ABRACL: variants seen among roughly 807,000 people sequenced by gnomAD.
The protein encoded by ABRACL is ABRA C-terminal like.
Under a neutral mutation model 7.0 loss-of-function variants are expected in ABRACL, and 4 were observed. That is an observed-to-expected ratio of 0.57 (90% CI 0.28 to 1.30). The LOEUF is 1.30. Ranked by LOEUF, ABRACL falls within the 50% of genes most tolerant of loss-of-function variation. The probability of loss-of-function intolerance (pLI) is 0.10; values close to 1 mark genes in which losing one functional copy is unlikely to be tolerated. For synonymous variants in ABRACL, 30 were observed against 36.0 expected, an observed-to-expected ratio of 0.83 and a Z score of 0.60; for missense variants, 104 against 97.3, an observed-to-expected ratio of 1.07 and a Z score of -0.29.
At chr6:139,029,631 TTAGGGGACC>T (rs1187795937) in intron 1 of ABRACL, among the ~76,000 whole-genome samples, 1 of 151,968 alleles carries the variant, frequency 6.6e-6, no homozygotes, top group East Asian at 1.9e-4. Flanking sequence ...GGGCACGGGG[TTAGGGGACC>T]TCTACCAGGC....
chr6:139,040,500 T>A (rs1260288279), intron 2 of ABRACL, among the ~76,000 whole-genome samples: 2 of 152,182 alleles, frequency 1.3e-5, no homozygotes, highest in Non-Finnish European at 1.5e-5. Context: ...AGAGGCTTTA[T>A]CTTTATTATG....
intron 2 of ABRACL, among the ~76,000 whole-genome samples, chr6:139,037,028 G>A (rs1009701898): frequency 1.1e-4 from 16 of 149,300 alleles, no homozygotes; most frequent in African/African-American, 2.7e-4. Flanking sequence ...GCAATTATCC[G>A]AAAAAAAAAA....
chr6:139,040,080 A>G (rs1786221581), intron 2 of ABRACL, among the ~76,000 whole-genome samples: 1 of 152,090 alleles, frequency 6.6e-6, no homozygotes, highest in Non-Finnish European at 1.5e-5. Context: ...CAACAGATCG[A>G]CACCCTGTCT....
intron 2 of ABRACL, among the ~76,000 whole-genome samples, chr6:139,036,142 T>C (rs1000440422): frequency 6.6e-6 from 1 of 151,406 alleles, no homozygotes; most frequent in Non-Finnish European, 1.5e-5. Context: ...AGTTTCACCA[T>C]GTTGGCCAGG....
Position 139,036,676 on chromosome 6 carries a change from T to C in ABRACL, c.61+2455T>C, listed in dbSNP as rs146774611. Among the ~76,000 whole-genome samples, 1,018 of 152,276 alleles carry C rather than the reference T, an allele frequency of 6.7e-3. 5 individuals carry two copies. The highest frequency in any genetic ancestry group is 8.0e-3 in the Non-Finnish European group (542 of 68,032). On this transcript the variant is annotated intron_variant, in intron 2 of 2. Coordinates refer to ENST00000367660, the MANE Select transcript of ABRACL (RefSeq NM_021243.3). ...TTTCCTCAGGGATTTTACTACTTAG[T>C]TGATGAAAACAGATAAAATCTCATA...
At chr6:139,039,005 C>T (rs1487553983) in intron 2 of ABRACL, among the ~76,000 whole-genome samples, 1 of 152,116 alleles carries the variant, frequency 6.6e-6, no homozygotes, top group Non-Finnish European at 1.5e-5. Flanking sequence ...AGGCAGATTG[C>T]CTGAGGTCAG....
chr6:139,041,751 C>T (rs972100621), intron 2 of ABRACL, among the ~76,000 whole-genome samples: 6 of 151,794 alleles, frequency 4.0e-5, no homozygotes, highest in Non-Finnish European at 8.8e-5. Flanking sequence ...TTCTTATTTC[C>T]TCATGGGAAT....
chr6:139,035,976 T>C (rs1786150199), intron 2 of ABRACL, among the ~76,000 whole-genome samples: 1 of 150,302 alleles, frequency 6.7e-6, no homozygotes. Flanking sequence ...TGCTGGCATG[T>C]GCCTGTAATC....
intron 2 of ABRACL, among the ~76,000 whole-genome samples, chr6:139,041,451 C>CTCTCTATATATATATA (rs140091253): frequency 9.1e-6 from 1 of 110,038 alleles, no homozygotes; most frequent in South Asian, 2.9e-4. Context: ...CTCTCTCTCT[C>CTCTCTATATATATATA]TATATATATA....
chr6:139,036,233 G>A (rs1217032416), intron 2 of ABRACL, among the ~76,000 whole-genome samples: 1 of 152,046 alleles, frequency 6.6e-6, no homozygotes, highest in African/African-American at 2.4e-5. Flanking sequence ...GAGCCACCGT[G>A]CCTGGCCTGC....
At chr6:139,037,262 A>G (rs1786173620) in intron 2 of ABRACL, among the ~76,000 whole-genome samples, 2 of 151,906 alleles carry the variant, frequency 1.3e-5, no homozygotes, top group African/African-American at 4.8e-5. Flanking sequence ...AATATAATTT[A>G]TTTAGTTTCT....
At chr6:139,034,302 A>G (rs1185236885) in intron 2 of ABRACL, 81 bp downstream of exon 2, 1 of 1,612,254 alleles carries the variant, frequency 6.2e-7, no homozygotes, top group East Asian at 2.2e-5. Flanking sequence ...GAAGCCTATG[A>G]AGGGGTCACC....
At position 139,041,855 on chromosome 6, in the gene ABRACL, C is replaced by T. The variant is rs180862923; in HGVS notation, c.62-864C>T. Among the ~76,000 whole-genome samples the T allele has an allele frequency of 3.2e-4, 48 of 152,196 alleles. No homozygotes were observed. The East Asian group carries it at 7.9e-3, about 25-fold the overall frequency. ...GCCCCTAGTGTCTAACACAGTGCTG[C>T]GCTCACAGTAGGAGTTTGCCAAGCA... On this transcript the variant is annotated intron_variant, in intron 2 of 2. Transcript: ENST00000367660.
chr6:139,029,663 T>C (rs1237180178), intron 1 of ABRACL, among the ~76,000 whole-genome samples: 1 of 151,876 alleles, frequency 6.6e-6, no homozygotes, highest in African/African-American at 2.4e-5. Context: ...AACCCCAAGC[T>C]GGTAGCAGAA....
intron 2 of ABRACL, among the ~76,000 whole-genome samples, chr6:139,037,411 C>A (rs1277081425): frequency 6.6e-6 from 1 of 152,124 alleles, no homozygotes; most frequent in South Asian, 2.1e-4. Context: ...CAGGTGTCCA[C>A]GACCACGCCT....
At chr6:139,031,043 A>G (rs574869217) in intron 1 of ABRACL, among the ~76,000 whole-genome samples, 1 of 152,374 alleles carries the variant, frequency 6.6e-6, no homozygotes, top group Non-Finnish European at 1.5e-5. Flanking sequence ...ATGAGAGCTA[A>G]GTCTGAAGTA....
chr6:139,042,244 G>C (rs1197446538), intron 2 of ABRACL, among the ~76,000 whole-genome samples: 1 of 151,814 alleles, frequency 6.6e-6, no homozygotes, highest in Non-Finnish European at 1.5e-5. Context: ...TGGGAATTCA[G>C]ATTCAGTGGT....
chr6:139,031,833 T>A (rs945426756), intron 1 of ABRACL, among the ~76,000 whole-genome samples: 2 of 152,132 alleles, frequency 1.3e-5, no homozygotes, highest in African/African-American at 4.8e-5. Context: ...CCAGGATACA[T>A]GGGTTTAGCA....
chr6:139,041,425 A>ATCTC (rs72110050), intron 2 of ABRACL, among the ~76,000 whole-genome samples: 4,841 of 117,156 alleles, frequency 0.041, 184 homozygotes, highest in African/African-American at 0.091. Context: ...CACCAGACCC[A>ATCTC]TCTCTCTCTC....
Sources: allele counts gnomAD v4.1 joint callset (sites outside exome capture counted in the v4.1 genomes callset), GRCh38; gene constraint gnomAD v4.1.1; transcripts MANE v1.5; gene names NCBI Gene and HGNC (gene_info 2026-07-23, HGNC 2026-07-21).